FAM120B: variants seen among roughly 807,000 people sequenced by gnomAD.
FAM120B encodes family with sequence similarity 120 member B, also known as constitutive coactivator of peroxisome proliferator-activated receptor gamma.
FAM120B carries 83 observed loss-of-function variants against 96.3 expected under a neutral mutation model. That is an observed-to-expected ratio of 0.86 (90% CI 0.72 to 1.03). The LOEUF (loss-of-function observed/expected upper bound fraction) is 1.03, where lower values mean the gene tolerates loss of function less well. Among genes scored for constraint, FAM120B ranks in the 50% least tolerant of loss-of-function variants. The probability of loss-of-function intolerance (pLI) is 0.00; values close to 1 mark genes in which losing one functional copy is unlikely to be tolerated. For synonymous variants in FAM120B, 407 were observed against 402.7 expected (o/e 1.01, Z -0.13); for missense variants, 1,027 against 1,121.2 (o/e 0.92, Z 1.20).
At chr6:170,323,319 TGG>T in intron 3 of FAM120B, 60 bp downstream of exon 3, 1 of 1,422,132 alleles carries the variant, frequency 7.0e-7, no homozygotes, top group South Asian at 1.3e-5. Flanking sequence ...TCTGAGAAAC[TGG>T]CCAGATGAAA....
Sources: allele counts gnomAD v4.1 joint callset, GRCh38; gene constraint gnomAD v4.1.1; transcripts MANE v1.5; gene names NCBI Gene and HGNC (gene_info 2026-07-23, HGNC 2026-07-21).